CNTN6: variants seen among roughly 807,000 people sequenced by gnomAD.
The protein encoded by CNTN6 is contactin-6.
Under a neutral mutation model 122.8 loss-of-function variants are expected in CNTN6, and 137 were observed. The ratio of observed to expected loss-of-function variants is 1.12; its 90% CI spans 0.97 to 1.29. The LOEUF (loss-of-function observed/expected upper bound fraction) is 1.29. Among genes scored for constraint, CNTN6 ranks in the 50% most tolerant of loss-of-function variants. The probability of loss-of-function intolerance (pLI) is 0.00; values close to 1 mark genes in which losing one functional copy is unlikely to be tolerated. For synonymous variants in CNTN6, 570 were observed against 426.0 expected (o/e 1.34, Z -4.16); for missense variants, 1,634 against 1,223.4 (o/e 1.34, Z -5.01).
intron 2 of CNTN6, among the ~76,000 whole-genome samples, chr3:1,157,239 G>T (rs1489872090): frequency 4.0e-5 from 5 of 124,680 alleles, no homozygotes; most frequent in Non-Finnish European, 8.4e-5. Flanking sequence ...ATTTATTTAT[G>T]TACTTATTGT....
intron 2 of CNTN6, among the ~76,000 whole-genome samples, chr3:1,175,279 CA>C (rs2093428346): frequency 6.7e-6 from 1 of 148,968 alleles, no homozygotes; most frequent in Admixed American, 6.7e-5. Flanking sequence ...AGGAAAATTC[CA>C]CTTGATCTAA....
At chr3:1,138,879 C>G (rs1165247383) in intron 1 of CNTN6, among the ~76,000 whole-genome samples, 2 of 151,468 alleles carry the variant, frequency 1.3e-5, no homozygotes, top group Non-Finnish European at 2.9e-5. Flanking sequence ...ATGCATCTAC[C>G]TTTTCATTCT....
intron 2 of CNTN6, among the ~76,000 whole-genome samples, chr3:1,151,780 T>C (rs1169028311): frequency 6.6e-6 from 1 of 152,160 alleles, no homozygotes; most frequent in African/African-American, 2.4e-5. Context: ...TAATACAGCT[T>C]TAAAAATTTG....
At position 1,154,666 on chromosome 3, in the gene CNTN6, C is replaced by A. The variant is rs1474705590; in HGVS notation, c.55+6603C>A. On this transcript the variant is annotated intron_variant, in intron 2 of 22. Transcript: ENST00000446702. ...CCATGTTGGTCAGACTGGTCTCGAA[C>A]TCCCGACCTCTGGTGTTCCGCCCGC... Among the ~76,000 whole-genome samples, 7 of 152,228 alleles carry A rather than the reference C, an allele frequency of 4.6e-5. No homozygotes were observed. In the South Asian group the frequency reaches 1.2e-3, roughly 27 times the overall value.
chr3:1,317,999 G>C (rs1700337164), intron 7 of CNTN6, among the ~76,000 whole-genome samples: 1 of 150,910 alleles, frequency 6.6e-6, no homozygotes, highest in Non-Finnish European at 1.5e-5. Flanking sequence ...GCCCAGTACT[G>C]TACCCTGAAT....
intron 2 of CNTN6, among the ~76,000 whole-genome samples, chr3:1,171,791 G>A (rs1253267012): frequency 6.6e-6 from 1 of 152,004 alleles, no homozygotes; most frequent in African/African-American, 2.4e-5. Flanking sequence ...ATTTTTTGCA[G>A]AGACAGAGAG....
At chr3:1,122,559 C>G (rs2125066455) in intron 1 of CNTN6, among the ~76,000 whole-genome samples, 1 of 150,498 alleles carries the variant, frequency 6.6e-6, no homozygotes, top group African/African-American at 2.4e-5. Context: ...TTGCATCAAT[C>G]CAAAGAAAGA....
At chr3:1,244,374 GGGGT>G (rs1412236679) in intron 4 of CNTN6, among the ~76,000 whole-genome samples, 43 of 150,278 alleles carry the variant, frequency 2.9e-4, no homozygotes, top group African/African-American at 1.0e-3. Context: ...AAGGGGTTGA[GGGGT>G]ACTTGGCCCT....
At chr3:1,094,832 G>A (rs1007904319) in intron 1 of CNTN6, among the ~76,000 whole-genome samples, 2 of 151,794 alleles carry the variant, frequency 1.3e-5, no homozygotes, top group Non-Finnish European at 2.9e-5. Flanking sequence ...ATTCTTTTAT[G>A]TGAGGAGAAG....
chr3:1,162,273 T>C (rs2093151988), intron 2 of CNTN6, among the ~76,000 whole-genome samples: 1 of 139,236 alleles, frequency 7.2e-6, no homozygotes, highest in Non-Finnish European at 1.5e-5. Context: ...AATGTCAAAA[T>C]GGGCAAAGAA....
intron 1 of CNTN6, among the ~76,000 whole-genome samples, chr3:1,098,810 ATATATATAGT>A (rs1407850981): frequency 2.1e-4 from 29 of 138,306 alleles, no homozygotes; most frequent in African/African-American, 7.1e-4. Context: ...ATATATATAT[ATATATATAGT>A]GGGAAATTTT....
intron 2 of CNTN6, among the ~76,000 whole-genome samples, chr3:1,190,389 T>C (rs2093684795): frequency 6.6e-6 from 1 of 152,244 alleles, no homozygotes; most frequent in African/African-American, 2.4e-5. Flanking sequence ...GCACTTTATA[T>C]GTCACAATGT....
chr3:1,236,663 C>A (rs1257392041), intron 4 of CNTN6, among the ~76,000 whole-genome samples: 1 of 152,126 alleles, frequency 6.6e-6, no homozygotes, highest in Admixed American at 6.5e-5. Flanking sequence ...GATAATATGA[C>A]AAAATAAGGT....
intron 11 of CNTN6, among the ~76,000 whole-genome samples, chr3:1,338,821 TA>T (rs1703470418): frequency 6.6e-6 from 1 of 152,200 alleles, no homozygotes; most frequent in East Asian, 1.9e-4. Flanking sequence ...GGTTACTTGA[TA>T]AATTTTAAAG....
intron 1 of CNTN6, among the ~76,000 whole-genome samples, chr3:1,110,971 A>G (rs1659394896): frequency 6.6e-6 from 1 of 152,172 alleles, no homozygotes; most frequent in Admixed American, 6.6e-5. Context: ...CACTTACTAC[A>G]TGATTGGCCA....
At chr3:1,245,274 T>C (rs1273788894) in intron 4 of CNTN6, among the ~76,000 whole-genome samples, 8 of 3,990 alleles carry the variant, frequency 2.0e-3, no homozygotes, top group African/African-American at 9.8e-3. Flanking sequence ...TATATATATA[T>C]ACACACACAT....
At chr3:1,394,272 A>G in intron 20 of CNTN6, 1 of 221,390 alleles carries the variant, frequency 4.5e-6, no homozygotes, top group Non-Finnish European at 9.1e-6. Context: ...CAGGAATCAG[A>G]GGACCAAGAT....
At chr3:1,301,268 C>T (rs966316178) in intron 7 of CNTN6, among the ~76,000 whole-genome samples, 2 of 152,014 alleles carry the variant, frequency 1.3e-5, no homozygotes, top group African/African-American at 4.8e-5. Context: ...AACTCCTGAC[C>T]TCCTGCTCCA....
intron 6 of CNTN6, among the ~76,000 whole-genome samples, 176 bp downstream of exon 6, chr3:1,295,980 G>T (rs1696160650): frequency 6.6e-6 from 1 of 152,134 alleles, no homozygotes; most frequent in South Asian, 2.1e-4. Flanking sequence ...CACCCACATG[G>T]TGCAGTAGAC....
Sources: gnomAD v4.1 joint callset for allele counts (sites outside exome capture counted in the v4.1 genomes callset) on GRCh38, gnomAD v4.1.1 for gene constraint, MANE v1.5 for transcripts, NCBI Gene and HGNC (gene_info 2026-07-23, HGNC 2026-07-21) for gene names.